The following RAB27A variants were observed in gnomAD, a reference collection of about 807,000 sequenced individuals.
RAB27A encodes ras-related protein Rab-27A.
RAB27A carries 17 observed loss-of-function variants against 20.8 expected under a neutral mutation model. The observed-to-expected ratio is 0.82, with a 90% CI of 0.56 to 1.23. The LOEUF (loss-of-function observed/expected upper bound fraction) is 1.23. RAB27A is among the 50% of genes most tolerant of loss of function. RAB27A has a pLI of 0.00. For missense variants in RAB27A, 277 were observed against 266.7 expected (o/e 1.04, Z -0.27); for synonymous variants, 85 against 92.8 (o/e 0.92, Z 0.48).
intron 2 of RAB27A, chr15:55,249,092 T>C (rs1022315075): frequency 3.3e-5 from 5 of 152,254 alleles, no homozygotes; most frequent in African/African-American, 1.2e-4. Context: ...GGGGTGTGAC[T>C]TGCGTTTGCT....
At chr15:55,288,681 A>G (rs1460304996) in intron 1 of RAB27A, among the ~76,000 whole-genome samples, 1 of 152,170 alleles carries the variant, frequency 6.6e-6, no homozygotes, top group Admixed American at 6.5e-5. Context: ...ATAAAACAAC[A>G]TAAACCAACA....
At chr15:55,208,792 G>T (rs1191283597) in intron 6 of RAB27A, among the ~76,000 whole-genome samples, 1 of 152,210 alleles carries the variant, frequency 6.6e-6, no homozygotes, top group Non-Finnish European at 1.5e-5. Flanking sequence ...TGGGCTGGTG[G>T]CTGGCACCTG....
intron 2 of RAB27A, among the ~76,000 whole-genome samples, chr15:55,239,978 G>A (rs147960234): frequency 6.6e-6 from 1 of 152,008 alleles, no homozygotes; most frequent in Non-Finnish European, 1.5e-5. Context: ...GTCTATACCA[G>A]ACTATACTCC....
chr15:55,257,037 C>T (rs1420216765), intron 2 of RAB27A, among the ~76,000 whole-genome samples: 1 of 152,140 alleles, frequency 6.6e-6, no homozygotes, highest in Admixed American at 6.5e-5. Flanking sequence ...GAACAGAGTT[C>T]CACATCAGGT....
chr15:55,213,942 A>G (rs184584995), intron 6 of RAB27A, among the ~76,000 whole-genome samples: 1 of 152,366 alleles, frequency 6.6e-6, no homozygotes, highest in East Asian at 1.9e-4. Flanking sequence ...GTCCATGGAA[A>G]GATTGTCTTC....
At chr15:55,233,997 A>C (rs552862397) in intron 3 of RAB27A, among the ~76,000 whole-genome samples, 1 of 152,306 alleles carries the variant, frequency 6.6e-6, no homozygotes, top group East Asian at 1.9e-4. Context: ...AGAATGGGCA[A>C]AAGGGAATGT....
rs1001783451 is a variant in RAB27A, at chr15:55,257,408, G to T, written c.-23+12757C>A. On this transcript the variant is annotated intron_variant, in intron 2 of 6. Coordinates refer to ENST00000336787, the MANE Select transcript of RAB27A (RefSeq NM_183235.3). ...CCACAGAAGAGGGAACATGCTGTTA[G>T]TTCAGGATGAACAAGACCAAGGATA... Among the ~76,000 whole-genome samples the T allele has an allele frequency of 1.1e-4, 16 of 152,314 alleles. 1 individual carries two copies. Among genetic ancestry groups the T allele is most frequent in the Admixed American group, 7.8e-4 (12 of 15,298 alleles).
intron 2 of RAB27A, among the ~76,000 whole-genome samples, chr15:55,235,786 T>C (rs1896230901): frequency 6.6e-6 from 1 of 152,016 alleles, no homozygotes; most frequent in Non-Finnish European, 1.5e-5. Flanking sequence ...ACCACAATTT[T>C]TTTATCTGTA....
At chr15:55,222,439 T>C (rs1895614683) in intron 6 of RAB27A, among the ~76,000 whole-genome samples, 1 of 152,150 alleles carries the variant, frequency 6.6e-6, no homozygotes, top group African/African-American at 2.4e-5. Context: ...TATCAATCTC[T>C]AGTCTTTCCT....
At chr15:55,293,689 G>A (rs796236115), upstream of RAB27A, among the ~76,000 whole-genome samples, 1 of 151,874 alleles carries the variant, frequency 6.6e-6, no homozygotes, top group African/African-American at 2.4e-5. Context: ...AGGCTGAGGC[G>A]GGTGGATTAC....
chr15:55,223,870 T>A lies in RAB27A; in HGVS notation c.467+19A>T. 6.2e-7 allele frequency: 1 copy of A among 1,612,578 alleles called. No homozygotes were observed. Among genetic ancestry groups the A allele is most frequent in the Non-Finnish European group, 8.5e-7 (1 of 1,179,448 alleles). On this transcript the variant is annotated intron_variant, in intron 6 of 6. Coordinates refer to ENST00000336787, the MANE Select transcript of RAB27A (RefSeq NM_183235.3). ...ATATTGAAAATGTTTTCTCTAGACT[T>A]CTCCACAAAAATACTCACCCATATT...
chr15:55,267,817 C>T (rs866885196), intron 2 of RAB27A, among the ~76,000 whole-genome samples: 7 of 152,232 alleles, frequency 4.6e-5, no homozygotes, highest in Middle Eastern at 6.8e-3. Flanking sequence ...CCAGAGAGGG[C>T]GGAAGCTGAA....
chr15:55,269,298 T>C (rs1897622670), intron 2 of RAB27A, among the ~76,000 whole-genome samples: 2 of 152,198 alleles, frequency 1.3e-5, no homozygotes, highest in South Asian at 4.1e-4. Flanking sequence ...TCCGGCATAC[T>C]TCATTTCGTA....
upstream of RAB27A, among the ~76,000 whole-genome samples, chr15:55,294,589 G>GAAAAAAAAAAAAAAAAAAAA (rs1181179911): frequency 1.4e-4 from 4 of 29,182 alleles, no homozygotes; most frequent in Non-Finnish European, 1.9e-4. Context: ...CCCTGTCTCC[G>GAAAAAAAAAAAAAAAAAAAA]AAAAAAAAAA....
intron 1 of RAB27A, among the ~76,000 whole-genome samples, chr15:55,316,770 A>T (rs1238087959): frequency 6.6e-6 from 1 of 152,204 alleles, no homozygotes; most frequent in Non-Finnish European, 1.5e-5. Context: ...TCTGTGTCAT[A>T]TCTGCCATCC....
chr15:55,272,015 G>T (rs746968425), intron 1 of RAB27A, among the ~76,000 whole-genome samples: 1 of 152,082 alleles, frequency 6.6e-6, no homozygotes, highest in Non-Finnish European at 1.5e-5. Flanking sequence ...CGAGAATTTT[G>T]AGAACAATTT....
chr15:55,309,643 G>A (rs2055011947), intron 2 of RAB27A, among the ~76,000 whole-genome samples: 1 of 152,086 alleles, frequency 6.6e-6, no homozygotes, highest in South Asian at 2.1e-4. Context: ...GATGTACAGG[G>A]ATACAGAAAA....
Position 55,250,763 on chromosome 15 carries a change from T to C in RAB27A, c.-22-15807A>G, listed in dbSNP as rs192011200. On this transcript the variant is annotated intron_variant, in intron 2 of 6. Transcript: ENST00000336787. ...TCTTTTTCATAGCAGATGAGTGTCT[T>C]CACAGTCAGTTCCTGCATAGGAAAC... is the stretch of plus-strand genomic sequence containing the variant. Among the ~76,000 whole-genome samples the C allele has an allele frequency of 4.6e-5, 7 of 152,358 alleles. No individual in the cohort carries two copies. In the East Asian group the frequency reaches 1.3e-3, roughly 29 times the overall value.
intron 5 of RAB27A, among the ~76,000 whole-genome samples, chr15:55,225,676 G>A (rs1895766883): frequency 6.6e-6 from 1 of 152,174 alleles, no homozygotes; most frequent in Non-Finnish European, 1.5e-5. Context: ...TTTATTTTGG[G>A]TAGTCTAGGA....
Sources: gnomAD v4.1 joint callset for allele counts (sites outside exome capture counted in the v4.1 genomes callset) on GRCh38, gnomAD v4.1.1 for gene constraint, MANE v1.5 for transcripts, NCBI Gene and HGNC (gene_info 2026-07-23, HGNC 2026-07-21) for gene names.